DROSHA: variants seen among roughly 807,000 people sequenced by gnomAD.
DROSHA encodes the protein drosha ribonuclease III.
In DROSHA, 56 loss-of-function variants were observed where a neutral mutation model predicts 181.9. The ratio of observed to expected loss-of-function variants is 0.31; its 90% CI spans 0.25 to 0.38. The LOEUF (loss-of-function observed/expected upper bound fraction) is 0.38. Ranked by LOEUF, DROSHA falls within the 10% of genes least tolerant of loss-of-function variation. The pLI is 1.00. For missense variants in DROSHA, 1,218 were observed against 1,743.5 expected (o/e 0.70, Z 5.37); for synonymous variants, 524 against 591.2 (o/e 0.89, Z 1.65).
intron 35 of DROSHA, among the ~76,000 whole-genome samples, chr5:31,402,282 G>A (rs1740099755): frequency 1.3e-5 from 2 of 152,128 alleles, no homozygotes; most frequent in Non-Finnish European, 2.9e-5. Flanking sequence ...TAGTGAAGTG[G>A]ATCTACATAT....
chr5:31,476,184 G>A (rs896828287), intron 16 of DROSHA, among the ~76,000 whole-genome samples: 1 of 152,140 alleles, frequency 6.6e-6, no homozygotes, highest in Non-Finnish European at 1.5e-5. Flanking sequence ...GGCCAACGTG[G>A]CAAAACCCTG....
chr5:31,426,964 G>A (rs577761575), intron 27 of DROSHA, among the ~76,000 whole-genome samples: 9 of 152,190 alleles, frequency 5.9e-5, no homozygotes, highest in African/African-American at 2.2e-4. Flanking sequence ...TCTTGCAATC[G>A]ATCAGATAAG....
intron 4 of DROSHA, 96 bp downstream of exon 4, chr5:31,528,944 T>C: frequency 6.1e-6 from 9 of 1,483,728 alleles, no homozygotes; most frequent in Admixed American, 1.9e-5. Context: ...CCTCTCCCCA[T>C]GTATCTAAAT....
intron 16 of DROSHA, among the ~76,000 whole-genome samples, chr5:31,472,643 T>C (rs1422170065): frequency 6.6e-6 from 1 of 152,236 alleles, no homozygotes. Context: ...AGAAGTGATG[T>C]TACTGTCTTA....
chr5:31,434,006 A>G (rs1471558707), intron 25 of DROSHA, among the ~76,000 whole-genome samples: 2 of 152,236 alleles, frequency 1.3e-5, no homozygotes, highest in South Asian at 2.1e-4. Flanking sequence ...GTTAAGGACT[A>G]CTGGTCTATA....
chr5:31,463,740 ATAT>A (rs1459815960), intron 20 of DROSHA, among the ~76,000 whole-genome samples: 1 of 152,202 alleles, frequency 6.6e-6, no homozygotes, highest in Non-Finnish European at 1.5e-5. Context: ...CAGGGAAAAT[ATAT>A]TATCATTTGG....
At chr5:31,462,714 C>T (rs1748547198) in intron 20 of DROSHA, among the ~76,000 whole-genome samples, 1 of 150,218 alleles carries the variant, frequency 6.7e-6, no homozygotes, top group Non-Finnish European at 1.5e-5. Context: ...GGGACTGCTA[C>T]AGGAGGTGGG....
At chr5:31,510,254 T>C (rs1738519753) in intron 9 of DROSHA, among the ~76,000 whole-genome samples, 1 of 152,204 alleles carries the variant, frequency 6.6e-6, no homozygotes, top group Admixed American at 6.5e-5. Context: ...ATCCCTATTT[T>C]ACAAATGGGA....
intron 23 of DROSHA, among the ~76,000 whole-genome samples, chr5:31,439,864 G>A (rs1745359232): frequency 4.6e-5 from 7 of 152,264 alleles, no homozygotes; most frequent in African/African-American, 1.7e-4. Context: ...AGGACACGCA[G>A]AGCCCATGGG....
At chr5:31,497,018 T>C (rs773781125) in intron 11 of DROSHA, among the ~76,000 whole-genome samples, 7 of 152,192 alleles carry the variant, frequency 4.6e-5, no homozygotes, top group Non-Finnish European at 8.8e-5. Flanking sequence ...TGACTGGTAA[T>C]GCCTGTAGTG....
At chr5:31,529,464 G>A (rs1740966286) in intron 3 of DROSHA, among the ~76,000 whole-genome samples, 1 of 152,136 alleles carries the variant, frequency 6.6e-6, no homozygotes, top group Non-Finnish European at 1.5e-5. Flanking sequence ...GGCCGGGCAT[G>A]GTAGTTCACG....
At chr5:31,425,266 A>C (rs1469871652) in intron 27 of DROSHA, among the ~76,000 whole-genome samples, 1 of 152,228 alleles carries the variant, frequency 6.6e-6, no homozygotes, top group Non-Finnish European at 1.5e-5. Flanking sequence ...TGTAACACAC[A>C]GGGTAATAAA....
rs764909278 is a variant in DROSHA at position 31,526,128 on chromosome 5, A to T, written c.805T>A (p.Tyr269Asn). The change falls in exon 5 of 36, where the codon TAT becomes AAT. Residue 269 changes from tyrosine (Y) to asparagine (N), a missense_variant. Transcript: ENST00000344624. Reference sequence around the variant, plus strand: ...CGAGATGGTGTTCTCCCTCGGTCATAATCAGATCTGTACCGGCTGTCTTGT... The same window carrying T: ...CGAGATGGTGTTCTCCCTCGGTCATTATCAGATCTGTACCGGCTGTCTTGT... ...RRQDSRYRSD[Y>N]DRGRTPSRHR... The T allele has an allele frequency of 6.2e-7, 1 of 1,612,000 alleles. No individual in the cohort carries two copies. The highest frequency in any genetic ancestry group is 1.1e-5 in the South Asian group (1 of 90,992).
chr5:31,441,263 G>A (rs1280855783), intron 23 of DROSHA, among the ~76,000 whole-genome samples: 1 of 151,968 alleles, frequency 6.6e-6, no homozygotes, highest in Non-Finnish European at 1.5e-5. Context: ...TTTTAAAAAT[G>A]AGCTGGGTGT....
At chr5:31,495,162 A>T in intron 12 of DROSHA, 124 bp downstream of exon 12, 2 of 1,120,832 alleles carry the variant, frequency 1.8e-6, no homozygotes, top group Non-Finnish European at 2.6e-6. Context: ...CCAATTTGTC[A>T]ACATAAAAAT....
At chr5:31,508,046 A>G (rs1738192759) in intron 10 of DROSHA, among the ~76,000 whole-genome samples, 1 of 152,232 alleles carries the variant, frequency 6.6e-6, no homozygotes, top group African/African-American at 2.4e-5. Context: ...CTAACTTTAC[A>G]TGCATTAAAG....
intron 23 of DROSHA, among the ~76,000 whole-genome samples, chr5:31,446,212 C>A (rs979487402): frequency 6.6e-6 from 1 of 151,910 alleles, no homozygotes; most frequent in East Asian, 1.9e-4. Context: ...TTTGGGAGGC[C>A]AAGGCGGGCG....
chr5:31,405,536 A>G (rs1447571803), intron 35 of DROSHA, 141 bp downstream of exon 35: 5 of 796,906 alleles, frequency 6.3e-6, no homozygotes, highest in Non-Finnish European at 1.0e-5. Context: ...ACATTCTACT[A>G]TATTCTCTGT....
intron 10 of DROSHA, among the ~76,000 whole-genome samples, chr5:31,507,457 T>TGAAA (rs1738118671): frequency 1.8e-5 from 1 of 54,222 alleles, no homozygotes; most frequent in African/African-American, 3.9e-5. Flanking sequence ...AAACTCTGTC[T>TGAAA]CAAAAAAAAA....
Sources: allele counts gnomAD v4.1 joint callset (sites outside exome capture counted in the v4.1 genomes callset), GRCh38; gene constraint gnomAD v4.1.1; transcripts MANE v1.5; gene names NCBI Gene and HGNC (gene_info 2026-07-23, HGNC 2026-07-21).